ABCB1: variants seen among roughly 807,000 people sequenced by gnomAD.
The protein encoded by ABCB1 is ATP binding cassette subfamily B member 1, also known as ATP-dependent translocase ABCB1.
In ABCB1, 69 loss-of-function variants were observed where a neutral mutation model predicts 142.0. The observed-to-expected ratio is 0.49, with a 90% CI of 0.40 to 0.59. The LOEUF is 0.59. Among genes scored for constraint, ABCB1 ranks in the 20% least tolerant of loss-of-function variants. ABCB1 has a pLI of 0.00. For synonymous variants in ABCB1, 532 were observed against 539.2 expected, an observed-to-expected ratio of 0.99 and a Z score of 0.18; for missense variants, 1,326 against 1,554.7, an observed-to-expected ratio of 0.85 and a Z score of 2.47.
chr7:87,643,222 A>G (rs1439113790), intron 1 of ABCB1, among the ~76,000 whole-genome samples: 3 of 151,752 alleles, frequency 2.0e-5, no homozygotes, highest in Non-Finnish European at 2.9e-5. Context: ...TTCTTCCTTT[A>G]TTTTTAAGTT....
intron 4 of ABCB1, among the ~76,000 whole-genome samples, chr7:87,575,710 T>C (rs139366024): frequency 9.8e-4 from 150 of 152,348 alleles, no homozygotes; most frequent in African/African-American, 3.4e-3. Context: ...TTGGGCTTAC[T>C]GCAGGTGACA....
At chr7:87,583,466 AAG>A (rs1818605519) in intron 4 of ABCB1, among the ~76,000 whole-genome samples, 1 of 152,200 alleles carries the variant, frequency 6.6e-6, no homozygotes. Context: ...TCAAGACTAG[AAG>A]AGTGAGCTGA....
At chr7:87,625,039 G>T (rs893499515) in intron 1 of ABCB1, among the ~76,000 whole-genome samples, 10 of 152,142 alleles carry the variant, frequency 6.6e-5, no homozygotes, top group Admixed American at 5.9e-4. Flanking sequence ...GGCGGATCAC[G>T]AGGTCAGGAG....
chr7:87,541,403 A>C lies in ABCB1; in HGVS notation c.2273T>G (p.Leu758Trp). 1 of 1,608,648 alleles carries C rather than the reference A, an allele frequency of 6.2e-7. No homozygotes were observed. The highest frequency in any genetic ancestry group is 8.5e-7 in the Non-Finnish European group (1 of 1,174,994). The change falls in exon 18 of 28, where the codon TTG becomes TGG. Residue 758 changes from leucine to tryptophan, a missense_variant. Coordinates refer to ENST00000622132, the MANE Select transcript of ABCB1 (RefSeq NM_001348946.2). The stretch of plus-strand genomic sequence containing the variant: ...AGAAATAATTCCAAGGGCTAGAAAC[A>C]ATAGTGAAAACAAGTTACTATTCTG... Reference protein sequence around the residue: ...KRQNSNLFSLLFLALGIISFI... With the variant: ...KRQNSNLFSLWFLALGIISFI...
intron 1 of ABCB1, among the ~76,000 whole-genome samples, chr7:87,679,232 A>G (rs973028898): frequency 6.0e-5 from 9 of 148,812 alleles, no homozygotes; most frequent in Admixed American, 2.0e-4. Flanking sequence ...AGCTGGGACT[A>G]CAGGTGCCCG....
intron 3 of ABCB1, among the ~76,000 whole-genome samples, chr7:87,586,144 G>A (rs1471165854): frequency 2.6e-5 from 4 of 152,178 alleles, no homozygotes; most frequent in Admixed American, 6.5e-5. Flanking sequence ...AATGGAACTG[G>A]TATAAAGGTA....
At chr7:87,536,633 T>A (rs969538907) in intron 19 of ABCB1, 92 bp from the exon 20 acceptor site, 25 of 1,053,176 alleles carry the variant, frequency 2.4e-5, no homozygotes, top group Non-Finnish European at 3.2e-5. Flanking sequence ...TTGTTTATAC[T>A]TATACCCCCT....
chr7:87,623,997 G>A (rs954472586), intron 1 of ABCB1, among the ~76,000 whole-genome samples: 4 of 151,930 alleles, frequency 2.6e-5, no homozygotes, highest in African/African-American at 9.7e-5. Context: ...CACATTCATT[G>A]TGCCACTGAA....
chr7:87,522,218 A>G (rs1815546542), intron 21 of ABCB1: 1 of 1,221,628 alleles, frequency 8.2e-7, no homozygotes, highest in Admixed American at 1.7e-5. Context: ...CATGGAAGCA[A>G]TTTTGGAGGT....
chr7:87,606,491 G>GA (rs1364956846), intron 1 of ABCB1, among the ~76,000 whole-genome samples: 2 of 151,998 alleles, frequency 1.3e-5, no homozygotes, highest in East Asian at 1.9e-4. Flanking sequence ...TTATAACAGT[G>GA]AAAAATGAGC....
intron 1 of ABCB1, among the ~76,000 whole-genome samples, chr7:87,683,130 T>C (rs979287840): frequency 2.0e-5 from 3 of 152,186 alleles, no homozygotes; most frequent in Non-Finnish European, 1.5e-5. Context: ...GCTTCAAACT[T>C]TTCTTCTGCG....
chr7:87,603,817 A>C (rs944175859), upstream of ABCB1, among the ~76,000 whole-genome samples: 5 of 152,258 alleles, frequency 3.3e-5, no homozygotes, highest in East Asian at 9.6e-4. Flanking sequence ...TGAACGGGTT[A>C]CTTAACTCTG....
intron 16 of ABCB1, 81 bp downstream of exon 16, chr7:87,544,742 A>G (rs930674725): frequency 2.2e-6 from 3 of 1,391,562 alleles, no homozygotes; most frequent in African/African-American, 1.4e-5. Context: ...TCTTGTTCCC[A>G]CTCCTACTGT....
intron 1 of ABCB1, among the ~76,000 whole-genome samples, chr7:87,626,174 T>TGCCATATATATGTGTCATATATA (rs1491449202): frequency 1.2e-5 from 1 of 82,016 alleles, no homozygotes; most frequent in Non-Finnish European, 2.4e-5. Context: ...GTCATATATA[T>TGCCATATATATGTGTCATATATA]TGTCATATAT....
chr7:87,546,511 G>A (rs924620897), intron 14 of ABCB1, among the ~76,000 whole-genome samples: 29 of 150,722 alleles, frequency 1.9e-4, no homozygotes, highest in Admixed American at 8.6e-4. Context: ...AGCCAAGATC[G>A]CACCACTGCA....
chr7:87,565,928 T>C, intron 7 of ABCB1, 142 bp downstream of exon 7: 1 of 932,050 alleles, frequency 1.1e-6, no homozygotes. Context: ...TGGATATGCT[T>C]ATCCAGCTGA....
intron 1 of ABCB1, among the ~76,000 whole-genome samples, chr7:87,699,669 G>T (rs1274131194): frequency 1.3e-5 from 2 of 152,204 alleles, no homozygotes; most frequent in African/African-American, 4.8e-5. Context: ...GCCTTCCAAA[G>T]TGCTGAGATT....
chr7:87,567,709 T>C (rs757553586), intron 5 of ABCB1, among the ~76,000 whole-genome samples: 1 of 152,186 alleles, frequency 6.6e-6, no homozygotes, highest in Non-Finnish European at 1.5e-5. Flanking sequence ...AATTCTAGCA[T>C]TAAAAAACAC....
intron 1 of ABCB1, among the ~76,000 whole-genome samples, chr7:87,605,936 T>C (rs1819634589): frequency 6.6e-6 from 1 of 152,160 alleles, no homozygotes; most frequent in Non-Finnish European, 1.5e-5. Context: ...GGGCTAGTAA[T>C]GGACATTGAA....
Sources: gnomAD v4.1 joint callset for allele counts (sites outside exome capture counted in the v4.1 genomes callset) on GRCh38, gnomAD v4.1.1 for gene constraint, MANE v1.5 for transcripts, NCBI Gene and HGNC (gene_info 2026-07-23, HGNC 2026-07-21) for gene names.